SLC7A14: variants seen among roughly 807,000 people sequenced by gnomAD.
SLC7A14 encodes the protein solute carrier family 7 member 14.
Under a neutral mutation model 60.2 loss-of-function variants are expected in SLC7A14, and 37 were observed. The ratio of observed to expected loss-of-function variants is 0.61; its 90% CI spans 0.47 to 0.81. The LOEUF is 0.81. Ranked by LOEUF, SLC7A14 falls within the 30% of genes least tolerant of loss-of-function variation. SLC7A14 has a pLI of 0.00. For missense variants in SLC7A14, 886 were observed against 982.7 expected, an observed-to-expected ratio of 0.90 and a Z score of 1.32; for synonymous variants, 399 against 395.8, an observed-to-expected ratio of 1.01 and a Z score of -0.10.
chr3:170,533,745 G>A, intron 1 of SLC7A14, among the ~76,000 whole-genome samples: 1 of 152,118 alleles, frequency 6.6e-6, no homozygotes, highest in East Asian at 1.9e-4. Context: ...TGCAGTGTTG[G>A]TGCCTGACAA....
Position 170,486,289 on chromosome 3 carries a change from T to C in SLC7A14, c.839A>G (p.Asn280Ser). ...AGCATAAGGGATGGACGTGTTGGGATTCTTGGCTTCCTCTCCAGTGGTGGC... is the reference window on the plus strand; with the variant it reads ...AGCATAAGGGATGGACGTGTTGGGACTCTTGGCTTCCTCTCCAGTGGTGGC... ...IIATTGEEAK[N>S]PNTSIPYAIT... Residue 280 changes from asparagine (N) to serine (S), a missense_variant, in exon 5 of 8, where the codon AAT (asparagine) becomes AGT (serine). Asn to Ser is a conservative substitution (Grantham distance 46). Transcript: ENST00000231706. 2 of 1,614,212 alleles carry C rather than the reference T, an allele frequency of 1.2e-6. No homozygotes were observed. Among genetic ancestry groups the C allele is most frequent in the Non-Finnish European group, 1.7e-6 (2 of 1,180,038 alleles).
At chr3:170,553,048 A>G (rs535226331) in intron 1 of SLC7A14, among the ~76,000 whole-genome samples, 3 of 152,286 alleles carry the variant, frequency 2.0e-5, no homozygotes, top group East Asian at 3.9e-4. Flanking sequence ...CTGTTCTTCT[A>G]TTCAGCTAGT....
At chr3:170,561,720 A>C (rs1714657457) in intron 1 of SLC7A14, among the ~76,000 whole-genome samples, 1 of 152,216 alleles carries the variant, frequency 6.6e-6, no homozygotes, top group Non-Finnish European at 1.5e-5. Context: ...AGAGTGGGAG[A>C]AAATCTTCAC....
chr3:170,543,331 A>C (rs377138287), intron 1 of SLC7A14, among the ~76,000 whole-genome samples: 2 of 152,222 alleles, frequency 1.3e-5, no homozygotes. Context: ...GAGATCCATG[A>C]GGTCACGGTC....
At chr3:170,542,696 A>G (rs961682721) in intron 1 of SLC7A14, among the ~76,000 whole-genome samples, 1 of 152,224 alleles carries the variant, frequency 6.6e-6, no homozygotes, top group South Asian at 2.1e-4. Context: ...GCATGTCCAC[A>G]TGCAAGGTTG....
chr3:170,584,316 C>A (rs1319700235), intron 1 of SLC7A14, among the ~76,000 whole-genome samples: 2 of 152,180 alleles, frequency 1.3e-5, no homozygotes, highest in Non-Finnish European at 2.9e-5. Flanking sequence ...AAAGCTACAA[C>A]CATGAAGCCC....
chr3:170,581,588 G>T (rs1394227552), intron 1 of SLC7A14, among the ~76,000 whole-genome samples: 1 of 152,014 alleles, frequency 6.6e-6, no homozygotes, highest in Non-Finnish European at 1.5e-5. Flanking sequence ...TGAAATAAAT[G>T]ACCACAAAGG....
At chr3:170,520,830 C>G (rs536002529) in intron 2 of SLC7A14, among the ~76,000 whole-genome samples, 10 of 152,174 alleles carry the variant, frequency 6.6e-5, no homozygotes, top group Non-Finnish European at 1.5e-5. Context: ...TTCCACTACT[C>G]AAATAAGAGC....
At position 170,480,706 on chromosome 3, in the gene SLC7A14, C is replaced by T. The variant is rs1373866802; in HGVS notation, c.1576G>A (p.Glu526Lys). ...TTTAACTTGATGAGATAAATATTTTCGGATTCATCAGCTTCTATGCCTGTG... is the reference window on the plus strand; with the variant it reads ...TTTAACTTGATGAGATAAATATTTTTGGATTCATCAGCTTCTATGCCTGTG... ...MTTGIEADES[E>K]NIYLIKLKKL... Residue 526 changes from glutamate to lysine, a missense_variant, in exon 7 of 8, where the codon GAA becomes AAA. Physicochemically the swap from Glu to Lys is moderately conservative, Grantham distance 56 (BLOSUM62 1). Coordinates refer to ENST00000231706, the MANE Select transcript of SLC7A14 (RefSeq NM_020949.3). The T allele has an allele frequency of 1.4e-5, 22 of 1,614,066 alleles. No homozygotes were observed. Among genetic ancestry groups the T allele is most frequent in the African/African-American group, 2.7e-5 (2 of 74,922 alleles).
rs556786926 is a variant in SLC7A14 at position 170,537,744 on chromosome 3, G to A, written c.-152-10656C>T. On this transcript the variant is annotated intron_variant, in intron 1 of 7. Transcript: ENST00000231706. ...AGAGGAGCAGCTTCAGAGCCTGAGC[G>A]CTGAAGTGGTTTATTTGAGGCCACA... Among the ~76,000 whole-genome samples, 27 of 152,316 alleles carry A rather than the reference G, an allele frequency of 1.8e-4. 1 individual carries two copies. In the East Asian group the frequency reaches 4.4e-3, roughly 25 times the overall value.
intron 1 of SLC7A14, among the ~76,000 whole-genome samples, chr3:170,560,341 G>A (rs541915280): frequency 3.3e-5 from 5 of 152,170 alleles, no homozygotes; most frequent in South Asian, 4.2e-4. Context: ...AAGCATATAC[G>A]ATTAGAACAA....
chr3:170,500,290 A>G (rs1265713792), intron 3 of SLC7A14, among the ~76,000 whole-genome samples: 1 of 151,962 alleles, frequency 6.6e-6, no homozygotes, highest in Non-Finnish European at 1.5e-5. Flanking sequence ...AAAATACAAA[A>G]ATTAGCTGAG....
At chr3:170,511,199 A>G (rs1448144186) in intron 2 of SLC7A14, among the ~76,000 whole-genome samples, 2 of 152,136 alleles carry the variant, frequency 1.3e-5, no homozygotes, top group Middle Eastern at 3.2e-3. Context: ...GGAGTTCGAG[A>G]CCAGCCTGAC....
At chr3:170,501,370 TG>T in intron 2 of SLC7A14, 25 bp from the exon 3 acceptor site, 1 of 1,598,634 alleles carries the variant, frequency 6.3e-7, no homozygotes, top group Non-Finnish European at 8.6e-7. Context: ...CATACACAGA[TG>T]GTGGACTTCA....
chr3:170,560,871 G>T (rs1054369662), intron 1 of SLC7A14, among the ~76,000 whole-genome samples: 3 of 152,128 alleles, frequency 2.0e-5, no homozygotes, highest in Admixed American at 1.3e-4. Flanking sequence ...CTTTAACCAC[G>T]TGTCTTATAG....
chr3:170,509,742 C>T (rs570953885), intron 2 of SLC7A14, among the ~76,000 whole-genome samples: 29 of 151,592 alleles, frequency 1.9e-4, no homozygotes, highest in African/African-American at 5.1e-4. Flanking sequence ...GTCAGGAGTT[C>T]GAGACCAGCC....
chr3:170,510,387 C>CAAAAAAA (rs200708263), intron 2 of SLC7A14, among the ~76,000 whole-genome samples: 13 of 98,954 alleles, frequency 1.3e-4, no homozygotes, highest in Non-Finnish European at 2.5e-4. Flanking sequence ...AAGACTCTGT[C>CAAAAAAA]AAAAAAAAAA....
chr3:170,526,509 A>T (rs1577537567), intron 2 of SLC7A14, 124 bp downstream of exon 2: 1 of 1,217,224 alleles, frequency 8.2e-7, no homozygotes, highest in African/African-American at 1.5e-5. Context: ...AAAAAAGAGC[A>T]TGATGATCCA....
At chr3:170,525,239 T>C (rs925276610) in intron 2 of SLC7A14, among the ~76,000 whole-genome samples, 4 of 152,228 alleles carry the variant, frequency 2.6e-5, no homozygotes, top group Non-Finnish European at 5.9e-5. Flanking sequence ...AGTTGTCCAT[T>C]GGCCTACTCC....
Sources: gnomAD v4.1 joint callset for allele counts (sites outside exome capture counted in the v4.1 genomes callset) on GRCh38, gnomAD v4.1.1 for gene constraint, MANE v1.5 for transcripts, NCBI Gene and HGNC (gene_info 2026-07-23, HGNC 2026-07-21) for gene names.